CHSY1: variants seen among roughly 807,000 people sequenced by gnomAD.
The protein encoded by CHSY1 is N-acetylgalactosaminyl-proteoglycan 3-beta-glucuronosyltransferase 1.
A neutral mutation model predicts 59.8 loss-of-function variants in CHSY1; 13 were observed. The observed-to-expected ratio is 0.22, with a 90% CI of 0.14 to 0.35. CHSY1 has a LOEUF of 0.35. CHSY1 is among the 10% of genes least tolerant of loss of function. The probability of loss-of-function intolerance (pLI) is 1.00; values close to 1 mark genes in which losing one functional copy is unlikely to be tolerated. For synonymous variants in CHSY1, 459 were observed against 401.2 expected (o/e 1.14, Z -1.72); for missense variants, 947 against 1,030.6 (o/e 0.92, Z 1.11).
At chr15:101,220,367 T>C (rs1168055949) in intron 2 of CHSY1, among the ~76,000 whole-genome samples, 1 of 152,172 alleles carries the variant, frequency 6.6e-6, no homozygotes, top group East Asian at 1.9e-4. Flanking sequence ...GGTATTTGTA[T>C]ATCAAGCCTG....
intron 2 of CHSY1, among the ~76,000 whole-genome samples, chr15:101,194,486 T>A (rs1487522130): frequency 1.3e-5 from 2 of 152,252 alleles, no homozygotes; most frequent in Non-Finnish European, 2.9e-5. Context: ...TAGATCAGAA[T>A]TACGTAGCCA....
chr15:101,178,365 T>A lies in CHSY1; in HGVS notation c.1432A>T (p.Ser478Cys), dbSNP rs1357813546. 6.2e-7 allele frequency: 1 copy of A among 1,608,110 alleles called. No individual in the cohort carries two copies. The highest frequency in any genetic ancestry group is 8.5e-7 in the Non-Finnish European group (1 of 1,175,252). The change falls in exon 3 of 3, where the codon AGC becomes TGC. Residue 478 changes from serine to cysteine, a missense_variant. By Grantham distance (112) the Ser-to-Cys change is moderately radical (BLOSUM62 -1). Coordinates refer to ENST00000254190, the MANE Select transcript of CHSY1 (RefSeq NM_014918.5). The stretch of plus-strand genomic sequence containing the variant: ...TCATGCTCCACAAACTGGATTTTGC[T>A]GAAAGTCTGCTGTAAATACGCGTGC... ...RRHAYLQQTF[S>C]KIQFVEHEEL... is the part of the protein sequence containing the mutation.
chr15:101,193,769 C>T (rs1001787237), intron 2 of CHSY1, among the ~76,000 whole-genome samples: 46 of 152,302 alleles, frequency 3.0e-4, no homozygotes, highest in African/African-American at 7.2e-4. Flanking sequence ...CTCCTGGCAC[C>T]GAGGAAGACA....
chr15:101,206,957 T>C (rs968965296), intron 2 of CHSY1, among the ~76,000 whole-genome samples: 7 of 152,246 alleles, frequency 4.6e-5, no homozygotes, highest in Non-Finnish European at 1.0e-4. Flanking sequence ...TAGGAACGTA[T>C]GCCACGCATT....
In CHSY1 at chr15:101,181,223, C is replaced by T. The variant is rs575918856; in HGVS notation, c.817-2243G>A. On this transcript the variant is annotated intron_variant, in intron 2 of 2. Coordinates refer to ENST00000254190, the MANE Select transcript of CHSY1 (RefSeq NM_014918.5). ...TCTCATGGTAAGGAAGGCTCTTCCA[C>T]GGCAGAGACCCACAAGCCCACAATG... Among the ~76,000 whole-genome samples the T allele has an allele frequency of 7.2e-5, 11 of 152,276 alleles. No homozygotes were observed. The East Asian group carries it at 1.2e-3, about 16-fold the overall frequency.
At chr15:101,203,327 G>A (rs2038592266) in intron 2 of CHSY1, among the ~76,000 whole-genome samples, 1 of 152,170 alleles carries the variant, frequency 6.6e-6, no homozygotes, top group Non-Finnish European at 1.5e-5. Context: ...TGTGCAGGAG[G>A]ATAGAGGAAA....
intron 1 of CHSY1, among the ~76,000 whole-genome samples, chr15:101,245,023 C>T (rs574316287): frequency 7.5e-4 from 114 of 152,290 alleles, no homozygotes; most frequent in African/African-American, 1.1e-3. Flanking sequence ...CAACAGGTAC[C>T]GGTCCTGTCC....
rs2038592286 is a variant in CHSY1, at chr15:101,203,329, T to G, written c.817-24349A>C. Among the ~76,000 whole-genome samples, 3 of 152,140 alleles carry G rather than the reference T, an allele frequency of 2.0e-5. No homozygotes were observed. In the South Asian group the frequency reaches 6.2e-4, roughly 31 times the overall value. ...CCACACATCCAAGTGTGCAGGAGGA[T>G]AGAGGAAAAGAGACACACTAATTTC... On this transcript the variant is annotated intron_variant, in intron 2 of 2. Coordinates refer to ENST00000254190, the MANE Select transcript of CHSY1 (RefSeq NM_014918.5).
chr15:101,217,589 A>C (rs558484657), intron 2 of CHSY1, among the ~76,000 whole-genome samples: 1 of 152,332 alleles, frequency 6.6e-6, no homozygotes, highest in African/African-American at 2.4e-5. Context: ...GAAAGCAAAG[A>C]GGTGCAGGAG....
chr15:101,178,531 G>C lies in CHSY1; in HGVS notation c.1266C>G (p.Thr422=). The C allele has an allele frequency of 6.2e-7, 1 of 1,614,184 alleles. No homozygotes were observed. The highest frequency in any genetic ancestry group is 8.5e-7 in the Non-Finnish European group (1 of 1,180,040). The change falls in exon 3 of 3, where the codon ACC becomes ACG. Residue 422 remains threonine, a synonymous_variant. Coordinates refer to ENST00000254190, the MANE Select transcript of CHSY1 (RefSeq NM_014918.5). The part of the protein sequence containing the change: ...VMEMINANAK[T]RGRIIDFKEI... ...CTTTGAAGTCAATGATGCGCCCTCT[G>C]GTCTTGGCGTTGGCATTGATCATCT...
chr15:101,229,512 T>C (rs2038872438), intron 2 of CHSY1, among the ~76,000 whole-genome samples: 1 of 152,050 alleles, frequency 6.6e-6, no homozygotes, highest in African/African-American at 2.4e-5. Context: ...CAAACAGGTA[T>C]AACAAATATA....
At chr15:101,205,959 A>C (rs2038622706) in intron 2 of CHSY1, among the ~76,000 whole-genome samples, 1 of 152,186 alleles carries the variant, frequency 6.6e-6, no homozygotes. Context: ...CTCAAAAAAA[A>C]AAAAAGAAGA....
intron 2 of CHSY1, among the ~76,000 whole-genome samples, chr15:101,196,705 C>T (rs1453093589): frequency 6.6e-6 from 1 of 152,108 alleles, no homozygotes; most frequent in Admixed American, 6.5e-5. Flanking sequence ...AATGTAAATG[C>T]CCTGGCTTCA....
chr15:101,189,744 G>A (rs1453094189), intron 2 of CHSY1, among the ~76,000 whole-genome samples: 1 of 152,154 alleles, frequency 6.6e-6, no homozygotes, highest in Non-Finnish European at 1.5e-5. Flanking sequence ...GACATTCAAC[G>A]CCGTGTTAAC....
intron 2 of CHSY1, among the ~76,000 whole-genome samples, chr15:101,203,020 G>C (rs1442442728): frequency 6.6e-6 from 1 of 152,144 alleles, no homozygotes; most frequent in African/African-American, 2.4e-5. Context: ...GTGCTGGTTA[G>C]CATATAAAAA....
At chr15:101,216,911 G>C (rs1158507295) in intron 2 of CHSY1, among the ~76,000 whole-genome samples, 1 of 152,232 alleles carries the variant, frequency 6.6e-6, no homozygotes, top group Non-Finnish European at 1.5e-5. Flanking sequence ...GAGGTCAGGA[G>C]CGGGGGTCCC....
At chr15:101,183,266 A>G (rs945602914) in intron 2 of CHSY1, among the ~76,000 whole-genome samples, 1 of 152,232 alleles carries the variant, frequency 6.6e-6, no homozygotes, top group African/African-American at 2.4e-5. Flanking sequence ...TGCCTGGGTT[A>G]AACTCTAAGT....
At chr15:101,182,126 T>C (rs369383940) in intron 2 of CHSY1, among the ~76,000 whole-genome samples, 10 of 152,216 alleles carry the variant, frequency 6.6e-5, no homozygotes, top group African/African-American at 2.2e-4. Context: ...CAATCTACAG[T>C]ACCTAGCAAG....
chr15:101,221,116 G>C (rs572046018), intron 2 of CHSY1, among the ~76,000 whole-genome samples: 1 of 152,326 alleles, frequency 6.6e-6, no homozygotes, highest in South Asian at 2.1e-4. Flanking sequence ...TGAGAGAATA[G>C]GAGCTTTGCT....
Sources: gnomAD v4.1 joint callset for allele counts (sites outside exome capture counted in the v4.1 genomes callset) on GRCh38, gnomAD v4.1.1 for gene constraint, MANE v1.5 for transcripts, NCBI Gene and HGNC (gene_info 2026-07-23, HGNC 2026-07-21) for gene names.